Variants in LRRC4C observed in about 807,000 individuals in gnomAD.
LRRC4C encodes leucine rich repeat containing 4C, also known as leucine-rich repeat-containing protein 4C.
Under a neutral mutation model 33.6 loss-of-function variants are expected in LRRC4C, and 5 were observed. The observed-to-expected ratio is 0.15, with a 90% CI of 0.08 to 0.31. LRRC4C has a LOEUF of 0.31. Among genes scored for constraint, LRRC4C ranks in the 10% least tolerant of loss-of-function variants. LRRC4C has a pLI of 1.00. For synonymous variants in LRRC4C, 329 were observed against 302.0 expected (o/e 1.09, Z -0.93); for missense variants, 560 against 796.7 (o/e 0.70, Z 3.58).
chr11:40,955,205 C>T (rs1417546475), intron 1 of LRRC4C, among the ~76,000 whole-genome samples: 2 of 151,778 alleles, frequency 1.3e-5, no homozygotes, highest in African/African-American at 2.4e-5. Context: ...GGTCTAAAAA[C>T]AGCCCAAGAG....
chr11:40,914,020 A>G (rs1286619093), intron 2 of LRRC4C, among the ~76,000 whole-genome samples: 1 of 152,112 alleles, frequency 6.6e-6, no homozygotes, highest in Non-Finnish European at 1.5e-5. Flanking sequence ...TATCTGATTG[A>G]CCAAAAACAG....
intron 1 of LRRC4C, among the ~76,000 whole-genome samples, chr11:41,058,468 A>G (rs963256673): frequency 6.6e-6 from 1 of 152,250 alleles, no homozygotes; most frequent in Non-Finnish European, 1.5e-5. Flanking sequence ...CCAAGCAGGT[A>G]GTGTGAGCCA....
At chr11:40,515,092 T>C (rs1212908240) in intron 3 of LRRC4C, among the ~76,000 whole-genome samples, 1 of 152,144 alleles carries the variant, frequency 6.6e-6, no homozygotes, top group Non-Finnish European at 1.5e-5. Flanking sequence ...ATATTTCATA[T>C]TCTCAAACAA....
At chr11:41,126,912 C>T (rs1338867494) in intron 1 of LRRC4C, among the ~76,000 whole-genome samples, 2 of 152,046 alleles carry the variant, frequency 1.3e-5, no homozygotes, top group African/African-American at 2.4e-5. Flanking sequence ...AAAGTCAATC[C>T]AACCTACAGA....
At chr11:41,042,875 A>G (rs1021568473) in intron 1 of LRRC4C, among the ~76,000 whole-genome samples, 2 of 152,038 alleles carry the variant, frequency 1.3e-5, no homozygotes, top group Non-Finnish European at 2.9e-5. Context: ...TCCCTACCAC[A>G]TGGAAAGACA....
At chr11:40,387,320 C>T (rs945148696) in intron 3 of LRRC4C, among the ~76,000 whole-genome samples, 1 of 152,034 alleles carries the variant, frequency 6.6e-6, no homozygotes, top group Non-Finnish European at 1.5e-5. Flanking sequence ...TGATAGGTTA[C>T]TCATTAAAAG....
intron 1 of LRRC4C, among the ~76,000 whole-genome samples, chr11:41,389,231 G>T (rs1645999650): frequency 6.6e-6 from 1 of 151,716 alleles, no homozygotes; most frequent in Non-Finnish European, 1.5e-5. Context: ...ATACATGTAG[G>T]TCCCACAAAA....
intron 1 of LRRC4C, among the ~76,000 whole-genome samples, chr11:41,262,416 A>AG (rs1231358102): frequency 1.3e-5 from 2 of 151,272 alleles, no homozygotes; most frequent in African/African-American, 4.9e-5. Context: ...TTAAAAAAAA[A>AG]AAAAATAGAA....
At chr11:40,236,513 AC>A (rs1184132799) in intron 5 of LRRC4C, among the ~76,000 whole-genome samples, 1 of 152,076 alleles carries the variant, frequency 6.6e-6, no homozygotes, top group African/African-American at 2.4e-5. Flanking sequence ...ACATTCCAGC[AC>A]CCTCCTCACC....
chr11:41,289,350 T>C (rs1438115624), intron 1 of LRRC4C, among the ~76,000 whole-genome samples: 1 of 152,194 alleles, frequency 6.6e-6, no homozygotes, highest in Non-Finnish European at 1.5e-5. Context: ...GTGTATACTG[T>C]AACCTTTAAA....
chr11:40,956,566 C>A (rs554204510), intron 1 of LRRC4C, among the ~76,000 whole-genome samples: 1 of 151,580 alleles, frequency 6.6e-6, no homozygotes, highest in African/African-American at 2.4e-5. Flanking sequence ...TAGGCTTATC[C>A]CATGGAGTTT....
chr11:41,362,085 AC>A (rs757619160), intron 1 of LRRC4C, among the ~76,000 whole-genome samples: 77 of 152,208 alleles, frequency 5.1e-4, no homozygotes, highest in Non-Finnish European at 1.2e-4. Context: ...GTGAAGCTTA[AC>A]TTTTGTTTAA....
Position 40,152,430 on chromosome 11 carries a change from G to A in LRRC4C, c.-95-11577C>T, listed in dbSNP as rs889194960. Among the ~76,000 whole-genome samples, 2 of 152,144 alleles carry A rather than the reference G, an allele frequency of 1.3e-5. 1 individual carries two copies. Among genetic ancestry groups the A allele is most frequent in the Middle Eastern group, 6.3e-3 (2 of 316 alleles). On this transcript the variant is annotated intron_variant, in intron 5 of 6. Transcript: ENST00000528697. ...AACTTTGTTACTATTTGAAGGGGGC[G>A]AGAAGCCTCTTGGCCAGAACTCAAG...
At chr11:40,988,694 TTTTCC>T (rs202209764) in intron 1 of LRRC4C, among the ~76,000 whole-genome samples, 3,543 of 139,912 alleles carry the variant, frequency 0.025, 335 homozygotes, top group Middle Eastern at 0.043. Context: ...CCAGCATTTG[TTTTCC>T]TTTCTTTTCT....
At chr11:40,995,547 C>G (rs1853909641) in intron 1 of LRRC4C, among the ~76,000 whole-genome samples, 1 of 152,130 alleles carries the variant, frequency 6.6e-6, no homozygotes, top group Non-Finnish European at 1.5e-5. Context: ...ATCAAAAGAG[C>G]TGGCAGTTCT....
chr11:40,768,644 C>A (rs1239758715), intron 2 of LRRC4C, among the ~76,000 whole-genome samples: 1 of 152,018 alleles, frequency 6.6e-6, no homozygotes, highest in African/African-American at 2.4e-5. Context: ...TTCACTATGA[C>A]CAAGTGGGAT....
At chr11:41,290,587 C>T (rs113265729) in intron 1 of LRRC4C, among the ~76,000 whole-genome samples, 2,783 of 152,130 alleles carry the variant, frequency 0.018, 93 homozygotes, top group African/African-American at 0.062. Context: ...TATTTCTAGG[C>T]CAGAGATCTT....
intron 2 of LRRC4C, among the ~76,000 whole-genome samples, chr11:40,895,069 G>A (rs976671297): frequency 6.6e-6 from 1 of 151,880 alleles, no homozygotes; most frequent in East Asian, 1.9e-4. Context: ...GTATTTATTG[G>A]TCACTCTTGT....
intron 1 of LRRC4C, among the ~76,000 whole-genome samples, chr11:41,308,843 C>T (rs575966206): frequency 6.6e-6 from 1 of 151,308 alleles, no homozygotes; most frequent in South Asian, 2.1e-4. Context: ...TTGCTCTTGT[C>T]ACCCAGGCTG....
Sources: gnomAD v4.1 joint callset for allele counts (sites outside exome capture counted in the v4.1 genomes callset) on GRCh38, gnomAD v4.1.1 for gene constraint, MANE v1.5 for transcripts, NCBI Gene and HGNC (gene_info 2026-07-23, HGNC 2026-07-21) for gene names.